Variants in CACNA2D1 observed in about 807,000 individuals in gnomAD.
CACNA2D1 encodes calcium voltage-gated channel auxiliary subunit alpha2delta 1.
CACNA2D1 carries 53 observed loss-of-function variants against 171.5 expected under a neutral mutation model. The ratio of observed to expected loss-of-function variants is 0.31; its 90% CI spans 0.25 to 0.39. CACNA2D1 has a LOEUF of 0.39. CACNA2D1 is among the 10% of genes least tolerant of loss of function. The probability of loss-of-function intolerance (pLI) is 1.00; values close to 1 mark genes in which losing one functional copy is unlikely to be tolerated. For missense variants in CACNA2D1, 903 were observed against 1,299.8 expected (o/e 0.69, Z 4.69); for synonymous variants, 442 against 443.1 (o/e 1.00, Z 0.03).
intron 5 of CACNA2D1, 77 bp from the exon 6 acceptor site, chr7:82,117,250 C>A: frequency 1.5e-6 from 2 of 1,366,204 alleles, no homozygotes; most frequent in East Asian, 2.4e-5. Context: ...CTTTACTTGC[C>A]AAATGCATAT....
At chr7:82,006,569 T>C (rs1410026642) in intron 16 of CACNA2D1, among the ~76,000 whole-genome samples, 1 of 152,068 alleles carries the variant, frequency 6.6e-6, no homozygotes, top group Admixed American at 6.6e-5. Flanking sequence ...ATCTAGTAAT[T>C]ACAAAAACAT....
intron 1 of CACNA2D1, among the ~76,000 whole-genome samples, chr7:82,377,850 G>A (rs1427845564): frequency 1.3e-5 from 2 of 152,058 alleles, no homozygotes; most frequent in East Asian, 3.9e-4. Flanking sequence ...AATTCCTAAA[G>A]GTCATCTAAG....
intron 24 of CACNA2D1, among the ~76,000 whole-genome samples, chr7:81,980,468 G>C (rs1322119694): frequency 6.6e-6 from 1 of 152,168 alleles, no homozygotes; most frequent in African/African-American, 2.4e-5. Flanking sequence ...ATAGTTTAGA[G>C]TGTGGGGGAC....
At chr7:81,967,282 T>C (rs981579464) in intron 30 of CACNA2D1, 75 bp from the exon 31 acceptor site, 1 of 1,173,162 alleles carries the variant, frequency 8.5e-7, no homozygotes, top group South Asian at 1.3e-5. Flanking sequence ...ATGTTATAAT[T>C]AGAAATTCTG....
At chr7:82,367,839 G>T (rs1223777213) in intron 1 of CACNA2D1, among the ~76,000 whole-genome samples, 6 of 151,686 alleles carry the variant, frequency 4.0e-5, no homozygotes, top group African/African-American at 1.5e-4. Context: ...AGAGGATATG[G>T]GTAAAAATAA....
intron 6 of CACNA2D1, among the ~76,000 whole-genome samples, chr7:82,092,398 G>C (rs905309699): frequency 4.0e-5 from 6 of 151,682 alleles, no homozygotes; most frequent in Non-Finnish European, 8.8e-5. Flanking sequence ...TTGAGACAGA[G>C]TCTCATTCTG....
chr7:82,021,932 C>T (rs978811605), intron 12 of CACNA2D1, among the ~76,000 whole-genome samples: 1 of 151,928 alleles, frequency 6.6e-6, no homozygotes, highest in Non-Finnish European at 1.5e-5. Context: ...CATTTTAACA[C>T]AAACAATGGG....
At chr7:82,312,836 G>A (rs901718653) in intron 3 of CACNA2D1, among the ~76,000 whole-genome samples, 5 of 151,956 alleles carry the variant, frequency 3.3e-5, no homozygotes, top group African/African-American at 1.2e-4. Flanking sequence ...GCCTGGCCTT[G>A]AAACTCTTGA....
chr7:82,442,080 T>G lies in CACNA2D1; in HGVS notation c.95+1285A>C, dbSNP rs964267270. Among the ~76,000 whole-genome samples, 27 of 152,322 alleles carry G rather than the reference T, an allele frequency of 1.8e-4. No homozygotes were observed. In the South Asian group the frequency reaches 5.2e-3, roughly 29 times the overall value. On this transcript the variant is annotated intron_variant, in intron 1 of 38. Transcript: ENST00000356860. ...GATTATCTAAAGAGGAACATTACTG[T>G]AACTCAATGACAACAAAAATTAGAC... is the stretch of plus-strand genomic sequence containing the variant.
intron 1 of CACNA2D1, among the ~76,000 whole-genome samples, chr7:82,377,153 T>C (rs1484658838): frequency 6.6e-6 from 1 of 152,230 alleles, no homozygotes; most frequent in Non-Finnish European, 1.5e-5. Flanking sequence ...CCAGGTTCCA[T>C]TCCTAATAAA....
chr7:82,150,325 T>TTC (rs1554432591), intron 4 of CACNA2D1, among the ~76,000 whole-genome samples: 5 of 142,544 alleles, frequency 3.5e-5, no homozygotes, highest in Admixed American at 1.4e-4. Flanking sequence ...ACTTTTTTTT[T>TTC]CCCCCCAGTA....
chr7:82,086,941 T>C (rs1810549701), intron 6 of CACNA2D1, among the ~76,000 whole-genome samples: 1 of 152,146 alleles, frequency 6.6e-6, no homozygotes, highest in Non-Finnish European at 1.5e-5. Flanking sequence ...CCTGGCAATA[T>C]GTTTTAAGAT....
intron 18 of CACNA2D1, among the ~76,000 whole-genome samples, chr7:82,003,824 A>G (rs1479027114): frequency 6.7e-6 from 1 of 149,380 alleles, no homozygotes; most frequent in Non-Finnish European, 1.5e-5. Flanking sequence ...GGCTCACTGC[A>G]ACCTCCGCCT....
intron 3 of CACNA2D1, among the ~76,000 whole-genome samples, chr7:82,242,589 G>A (rs183058570): frequency 6.6e-6 from 1 of 152,048 alleles, no homozygotes; most frequent in East Asian, 1.9e-4. Context: ...ATGCTAACCG[G>A]CATTCAGTCT....
intron 6 of CACNA2D1, among the ~76,000 whole-genome samples, chr7:82,103,981 T>C (rs1253192875): frequency 1.3e-5 from 2 of 152,092 alleles, no homozygotes; most frequent in Non-Finnish European, 2.9e-5. Flanking sequence ...TCAAAGTGAA[T>C]AATTTCATAT....
intron 18 of CACNA2D1, among the ~76,000 whole-genome samples, chr7:81,997,975 A>G (rs547449818): frequency 9.9e-5 from 15 of 151,962 alleles, no homozygotes; most frequent in Non-Finnish European, 2.2e-4. Context: ...GTATAATAAT[A>G]AAGAAAGAAC....
At chr7:81,952,419 A>C (rs1792710143) in intron 38 of CACNA2D1, among the ~76,000 whole-genome samples, 1 of 152,088 alleles carries the variant, frequency 6.6e-6, no homozygotes, top group South Asian at 2.1e-4. Context: ...TTTTGTTAAG[A>C]AGAAAGAAAG....
At chr7:82,353,845 A>C (rs1326863348) in intron 1 of CACNA2D1, among the ~76,000 whole-genome samples, 1 of 152,108 alleles carries the variant, frequency 6.6e-6, no homozygotes, top group East Asian at 1.9e-4. Context: ...TAGAGAAGGA[A>C]ATATCAAAGA....
intron 5 of CACNA2D1, among the ~76,000 whole-genome samples, chr7:82,123,783 T>C (rs1328112238): frequency 1.3e-5 from 2 of 152,180 alleles, no homozygotes; most frequent in Non-Finnish European, 2.9e-5. Context: ...CAAAGGGTTC[T>C]CGTGAATTGT....
Sources: allele counts gnomAD v4.1 joint callset (sites outside exome capture counted in the v4.1 genomes callset), GRCh38; gene constraint gnomAD v4.1.1; transcripts MANE v1.5; gene names NCBI Gene and HGNC (gene_info 2026-07-23, HGNC 2026-07-21).